KCNQ3: variants seen among roughly 807,000 people sequenced by gnomAD.
The protein encoded by KCNQ3 is potassium voltage-gated channel subfamily Q member 3, also known as potassium voltage-gated channel subfamily KQT member 3.
A neutral mutation model predicts 92.5 loss-of-function variants in KCNQ3; 30 were observed. The observed-to-expected ratio is 0.32, with a 90% CI of 0.24 to 0.44. KCNQ3 has a LOEUF of 0.44. KCNQ3 is among the 20% of genes least tolerant of loss of function. KCNQ3 has a pLI of 1.00. For missense variants in KCNQ3, 913 were observed against 1,140.3 expected, an observed-to-expected ratio of 0.80 and a Z score of 2.87; for synonymous variants, 450 against 468.8, an observed-to-expected ratio of 0.96 and a Z score of 0.52.
chr8:132,187,893 G>A (rs1360813583), intron 1 of KCNQ3, among the ~76,000 whole-genome samples: 37 of 92,392 alleles, frequency 4.0e-4, no homozygotes, highest in Non-Finnish European at 6.5e-4. Flanking sequence ...TGGCGGTGGT[G>A]GTGGTGGTGA....
At chr8:132,389,185 A>G (rs1327978843) in intron 1 of KCNQ3, among the ~76,000 whole-genome samples, 1 of 152,234 alleles carries the variant, frequency 6.6e-6, no homozygotes, top group Non-Finnish European at 1.5e-5. Flanking sequence ...GGCCAGGTGC[A>G]GTGGTTCACA....
rs115764073 is a variant in KCNQ3 at position 132,359,613 on chromosome 8, C to A, written c.386+120534G>T. Reference sequence around the variant, plus strand: ...CACTCCAGAAAGAGAGTCCTTGGGGCAAATCCAGCTGTGGATTGTGTGACA... The same window carrying A: ...CACTCCAGAAAGAGAGTCCTTGGGGAAAATCCAGCTGTGGATTGTGTGACA... On this transcript the variant is annotated intron_variant, in intron 1 of 14. Coordinates refer to ENST00000388996, the MANE Select transcript of KCNQ3 (RefSeq NM_004519.4). Among the ~76,000 whole-genome samples the A allele has an allele frequency of 5.3e-3, 805 of 152,234 alleles. 6 individuals carry two copies. Among genetic ancestry groups the A allele is most frequent in the African/African-American group, 0.018 (753 of 41,526 alleles).
intron 1 of KCNQ3, among the ~76,000 whole-genome samples, chr8:132,417,156 C>G (rs1210276680): frequency 6.6e-6 from 1 of 152,146 alleles, no homozygotes; most frequent in African/African-American, 2.4e-5. Flanking sequence ...GGCAACATCC[C>G]GTATAGAGAC....
intron 1 of KCNQ3, among the ~76,000 whole-genome samples, chr8:132,202,898 A>G (rs949200990): frequency 3.3e-5 from 5 of 152,220 alleles, no homozygotes; most frequent in Admixed American, 6.5e-5. Flanking sequence ...CTATAGCAAC[A>G]GCCCCACCTC....
intron 1 of KCNQ3, among the ~76,000 whole-genome samples, chr8:132,210,558 A>G (rs898525300): frequency 6.6e-6 from 1 of 152,248 alleles, no homozygotes; most frequent in Non-Finnish European, 1.5e-5. Flanking sequence ...CACAGTATCT[A>G]TGGGTCAACT....
intron 1 of KCNQ3, among the ~76,000 whole-genome samples, chr8:132,254,666 G>T (rs1815521625): frequency 6.6e-6 from 1 of 152,160 alleles, no homozygotes; most frequent in South Asian, 2.1e-4. Context: ...ATCACTTGAG[G>T]TCAGGAGTTT....
At chr8:132,235,781 C>T (rs547716347) in intron 1 of KCNQ3, among the ~76,000 whole-genome samples, 4 of 152,324 alleles carry the variant, frequency 2.6e-5, no homozygotes, top group African/African-American at 9.6e-5. Flanking sequence ...GGCTCCTTTG[C>T]ATCATTTAGA....
intron 1 of KCNQ3, among the ~76,000 whole-genome samples, chr8:132,380,576 T>G (rs561974083): frequency 6.6e-5 from 10 of 151,864 alleles, no homozygotes; most frequent in Non-Finnish European, 1.3e-4. Flanking sequence ...TGGATTTCCC[T>G]CTCCATCTCC....
At chr8:132,222,019 G>A (rs1474937978) in intron 1 of KCNQ3, among the ~76,000 whole-genome samples, 3 of 152,192 alleles carry the variant, frequency 2.0e-5, no homozygotes, top group African/African-American at 7.2e-5. Flanking sequence ...AGGACTTCAT[G>A]ACTAAAATAA....
intron 1 of KCNQ3, among the ~76,000 whole-genome samples, chr8:132,216,336 A>G (rs761208208): frequency 6.6e-6 from 1 of 152,244 alleles, no homozygotes; most frequent in Non-Finnish European, 1.5e-5. Flanking sequence ...CATCAGAGAG[A>G]AAGTGCTGTG....
chr8:132,348,414 A>G (rs554924697), intron 1 of KCNQ3, among the ~76,000 whole-genome samples: 1 of 152,296 alleles, frequency 6.6e-6, no homozygotes, highest in East Asian at 1.9e-4. Flanking sequence ...CAAGCCCTGC[A>G]ACTGAGGGTT....
chr8:132,290,800 T>G (rs1027026297), intron 1 of KCNQ3, among the ~76,000 whole-genome samples: 2 of 152,148 alleles, frequency 1.3e-5, no homozygotes, highest in African/African-American at 4.8e-5. Flanking sequence ...GGCAAGTGGA[T>G]ATTCAGGCAG....
At position 132,226,076 on chromosome 8, in the gene KCNQ3, C is replaced by T. The variant is rs1449519954; in HGVS notation, c.387-39895G>A. ...CACAAGGTCAGGAGATAGAGACCATCCTGGCTAACGTGGCGAAACCCCGTC... is the reference window on the plus strand; with the variant it reads ...CACAAGGTCAGGAGATAGAGACCATTCTGGCTAACGTGGCGAAACCCCGTC... On this transcript the variant is annotated intron_variant, in intron 1 of 14. Transcript: ENST00000388996. Among the ~76,000 whole-genome samples, 5 of 152,086 alleles carry T rather than the reference C, an allele frequency of 3.3e-5. No homozygotes were observed. In the East Asian group the frequency reaches 9.7e-4, roughly 29 times the overall value.
At chr8:132,186,978 G>GAGAGAA (rs1826989368) in intron 1 of KCNQ3, among the ~76,000 whole-genome samples, 1 of 151,424 alleles carries the variant, frequency 6.6e-6, no homozygotes, top group Non-Finnish European at 1.5e-5. Context: ...GAGAGAGAGA[G>GAGAGAA]AGAGAGAGAG....
intron 1 of KCNQ3, among the ~76,000 whole-genome samples, chr8:132,230,138 C>G (rs1235791480): frequency 3.9e-5 from 6 of 152,112 alleles, no homozygotes; most frequent in Admixed American, 3.9e-4. Flanking sequence ...AAACAACCCT[C>G]CCAGCTTCTC....
intron 1 of KCNQ3, among the ~76,000 whole-genome samples, chr8:132,263,036 T>C (rs1815843723): frequency 6.6e-6 from 1 of 152,160 alleles, no homozygotes; most frequent in African/African-American, 2.4e-5. Flanking sequence ...AGATCTGGAA[T>C]TTAATCTCCA....
At chr8:132,179,801 T>G (rs1586805595) in intron 4 of KCNQ3, among the ~76,000 whole-genome samples, 1 of 152,300 alleles carries the variant, frequency 6.6e-6, no homozygotes, top group South Asian at 2.1e-4. Context: ...TGGCCTTGAA[T>G]GAGCTCATTC....
At chr8:132,172,715 C>A (rs781753373) in intron 6 of KCNQ3, 22 bp from the exon 7 acceptor site, 2 of 1,570,984 alleles carry the variant, frequency 1.3e-6, no homozygotes, top group Admixed American at 3.3e-5. Flanking sequence ...GGCAGGCAGG[C>A]AGTCAGCCCC....
At chr8:132,286,855 C>G (rs1031613271) in intron 1 of KCNQ3, among the ~76,000 whole-genome samples, 5 of 152,116 alleles carry the variant, frequency 3.3e-5, no homozygotes, top group Admixed American at 1.3e-4. Context: ...TGGATTAGTT[C>G]CCATCCCACC....
Sources: allele counts gnomAD v4.1 joint callset (sites outside exome capture counted in the v4.1 genomes callset), GRCh38; gene constraint gnomAD v4.1.1; transcripts MANE v1.5; gene names NCBI Gene and HGNC (gene_info 2026-07-23, HGNC 2026-07-21).